LURAP1L: variants seen among roughly 807,000 people sequenced by gnomAD.
The protein encoded by LURAP1L is leucine rich adaptor protein 1 like.
LURAP1L carries 12 observed loss-of-function variants against 13.8 expected under a neutral mutation model. The observed-to-expected ratio is 0.87, with a 90% CI of 0.56 to 1.41. The LOEUF (loss-of-function observed/expected upper bound fraction) is 1.41, where lower values mean the gene tolerates loss of function less well. Among genes scored for constraint, LURAP1L ranks in the 40% most tolerant of loss-of-function variants. LURAP1L has a pLI of 0.00. For missense variants in LURAP1L, 375 were observed against 292.9 expected, an observed-to-expected ratio of 1.28 and a Z score of -2.04; for synonymous variants, 139 against 119.2, an observed-to-expected ratio of 1.17 and a Z score of -1.08.
rs999825804 is a variant in LURAP1L, at chr9:12,777,696, A to G, written c.312+1669A>G. On this transcript the variant is annotated intron_variant, in intron 1 of 1. Coordinates refer to ENST00000319264, the MANE Select transcript of LURAP1L (RefSeq NM_203403.2). ...CTTGAAAACAGTAACATTTCCAAAA[A>G]CCGATGAACCCCACCCTGTCCCAAG... 7 of 468,034 alleles carry G rather than the reference A, an allele frequency of 1.5e-5. No homozygotes were observed. The Admixed American group carries it at 1.9e-4, about 13-fold the overall frequency. The allele number at this position is 468,034 out of a possible 1,614,324, so 29.0% of individuals were successfully genotyped here. A position where few individuals can be genotyped will look rare whatever the true frequency, so the allele number is the denominator to read the frequency against.
At chr9:12,790,135 G>T (rs1011916933) in intron 1 of LURAP1L, among the ~76,000 whole-genome samples, 2 of 152,024 alleles carry the variant, frequency 1.3e-5, no homozygotes, top group African/African-American at 4.8e-5. Flanking sequence ...TTAAGTCTCT[G>T]GGGCTAAAGA....
chr9:12,809,775 C>T (rs939979178), intron 1 of LURAP1L, among the ~76,000 whole-genome samples: 2 of 152,152 alleles, frequency 1.3e-5, no homozygotes, highest in Non-Finnish European at 2.9e-5. Context: ...GAGTTAGATT[C>T]TGCTTACTAT....
intron 1 of LURAP1L, among the ~76,000 whole-genome samples, chr9:12,780,402 G>A (rs917283017): frequency 1.1e-3 from 39 of 34,598 alleles, no homozygotes; most frequent in Admixed American, 0.01. Flanking sequence ...CAAAAGTCTC[G>A]ATCTTAGACC....
chr9:12,793,875 C>T (rs1252985299), intron 1 of LURAP1L, among the ~76,000 whole-genome samples: 1 of 151,992 alleles, frequency 6.6e-6, no homozygotes. Flanking sequence ...ATAAAATGAG[C>T]TCAAAATATG....
intron 1 of LURAP1L, among the ~76,000 whole-genome samples, chr9:12,776,484 G>A (rs1360515430): frequency 6.6e-6 from 1 of 152,008 alleles, no homozygotes; most frequent in East Asian, 1.9e-4. Context: ...AGGTGGCGTG[G>A]CAGGGTCCTT....
At chr9:12,809,210 T>C (rs763449389) in intron 1 of LURAP1L, among the ~76,000 whole-genome samples, 11 of 152,126 alleles carry the variant, frequency 7.2e-5, no homozygotes, top group Non-Finnish European at 1.0e-4. Flanking sequence ...ACCTCTAGCA[T>C]TGGGGATCAC....
At chr9:12,788,650 A>T (rs1157243715) in intron 1 of LURAP1L, among the ~76,000 whole-genome samples, 2 of 152,008 alleles carry the variant, frequency 1.3e-5, no homozygotes, top group Non-Finnish European at 2.9e-5. Context: ...TTATTTATGG[A>T]ACAGAGAGAA....
In LURAP1L at chr9:12,821,917, C is replaced by T; in HGVS notation, c.*157C>T. On this transcript the variant is annotated 3_prime_UTR_variant, in exon 2 of 2. Transcript: ENST00000319264. ...AATGGTATTGCTGTTGCTCCTAATACTTCTCATCTGAGCTGATTTATTTTT... is the reference window on the plus strand; with the variant it reads ...AATGGTATTGCTGTTGCTCCTAATATTTCTCATCTGAGCTGATTTATTTTT... 1.3e-6 allele frequency: 1 copy of T among 758,222 alleles called. No homozygotes were observed. The highest frequency in any genetic ancestry group is 2.1e-5 in the South Asian group (1 of 48,080). The allele number at this position is 758,222 out of a possible 1,614,324, so 47.0% of individuals were successfully genotyped here. A position where few individuals can be genotyped will look rare whatever the true frequency, so the allele number is the denominator to read the frequency against.
At chr9:12,797,938 G>A (rs1278541110) in intron 1 of LURAP1L, among the ~76,000 whole-genome samples, 5 of 151,892 alleles carry the variant, frequency 3.3e-5, no homozygotes, top group Admixed American at 3.3e-4. Flanking sequence ...TTATATTTAT[G>A]GAACCAACTT....
intron 1 of LURAP1L, among the ~76,000 whole-genome samples, chr9:12,812,583 G>A (rs1819751931): frequency 6.6e-6 from 1 of 152,176 alleles, no homozygotes; most frequent in African/African-American, 2.4e-5. Flanking sequence ...AGAATTGGGA[G>A]AATGAAGAAG....
intron 1 of LURAP1L, among the ~76,000 whole-genome samples, chr9:12,796,895 T>A (rs1819518123): frequency 6.6e-6 from 1 of 151,280 alleles, no homozygotes; most frequent in South Asian, 2.1e-4. Context: ...TTGAAGATAA[T>A]CATTTCTACC....
chr9:12,811,778 A>T (rs1435848136), intron 1 of LURAP1L, among the ~76,000 whole-genome samples: 1 of 152,356 alleles, frequency 6.6e-6, no homozygotes, highest in Non-Finnish European at 1.5e-5. Context: ...AACTTAAAAC[A>T]GCAAACATGT....
At chr9:12,788,180 AAAGAAAG>A (rs930085516) in intron 1 of LURAP1L, among the ~76,000 whole-genome samples, 1 of 148,104 alleles carries the variant, frequency 6.8e-6, no homozygotes, top group African/African-American at 2.5e-5. Context: ...AGAAAGAAAG[AAAGAAAG>A]AAAGAAAAGA....
intron 1 of LURAP1L, among the ~76,000 whole-genome samples, chr9:12,797,261 A>T (rs1326170338): frequency 1.3e-5 from 2 of 151,874 alleles, no homozygotes; most frequent in Non-Finnish European, 2.9e-5. Flanking sequence ...ACTGCTCCTT[A>T]CCCTACTTCC....
intron 1 of LURAP1L, among the ~76,000 whole-genome samples, chr9:12,788,029 A>T (rs191155768): frequency 6.6e-6 from 1 of 151,954 alleles, no homozygotes; most frequent in East Asian, 1.9e-4. Context: ...GGAGAATTGC[A>T]TGAACCCAGG....
chr9:12,819,182 G>A (rs138805875), intron 1 of LURAP1L, among the ~76,000 whole-genome samples: 66 of 152,242 alleles, frequency 4.3e-4, no homozygotes, highest in African/African-American at 1.5e-3. Context: ...TCAGTGAAAA[G>A]TAATTTTCTT....
chr9:12,783,827 C>CTT (rs60324198), intron 1 of LURAP1L, among the ~76,000 whole-genome samples: 3 of 117,376 alleles, frequency 2.6e-5, no homozygotes, highest in African/African-American at 6.3e-5. Context: ...AGGTCCTGGG[C>CTT]TTTTTTTTTT....
In LURAP1L at chr9:12,778,688, TGTA is replaced by T. The variant is rs534004523; in HGVS notation, c.312+2663_312+2665del. On this transcript the variant is annotated intron_variant, in intron 1 of 1. Transcript: ENST00000319264. ...CAAACAAACTAACGCACAAAATATG[TGTA>T]GGTTTCCCTAGCTTCAGTTCAACTG... Among the ~76,000 whole-genome samples the T allele has an allele frequency of 1.8e-3, 269 of 152,340 alleles. 1 individual carries two copies. The highest frequency in any genetic ancestry group is 6.1e-3 in the African/African-American group (255 of 41,576).
rs577015545 is a variant in LURAP1L, at chr9:12,804,785, T to C, written c.313-16601T>C. 2.0e-5 allele frequency among the ~76,000 whole-genome samples: 3 copies of C among 152,266 alleles called. No homozygotes were observed. The South Asian group carries it at 6.2e-4, about 32-fold the overall frequency. ...AGATGGTTAAAGGAAGAAACAGAAG[T>C]CAAATAATTCATTAGGAAAGGTAGT... On this transcript the variant is annotated intron_variant, in intron 1 of 1. Transcript: ENST00000319264.
Sources: gnomAD v4.1 joint callset for allele counts (sites outside exome capture counted in the v4.1 genomes callset) on GRCh38, gnomAD v4.1.1 for gene constraint, MANE v1.5 for transcripts, NCBI Gene and HGNC (gene_info 2026-07-23, HGNC 2026-07-21) for gene names.